The following LRRC4C variants were observed in gnomAD, a reference collection of about 807,000 sequenced individuals.
The protein encoded by LRRC4C is leucine-rich repeat-containing protein 4C.
In LRRC4C, 5 loss-of-function variants were observed where a neutral mutation model predicts 33.6. The ratio of observed to expected loss-of-function variants is 0.15; its 90% CI spans 0.08 to 0.31. The LOEUF (loss-of-function observed/expected upper bound fraction) is 0.31, where lower values mean the gene tolerates loss of function less well. LRRC4C is among the 10% of genes least tolerant of loss of function. LRRC4C has a pLI of 1.00. For missense variants in LRRC4C, 560 were observed against 796.7 expected (o/e 0.70, Z 3.58); for synonymous variants, 329 against 302.0 (o/e 1.09, Z -0.93).
intron 3 of LRRC4C, among the ~76,000 whole-genome samples, chr11:40,392,786 A>G (rs1949387282): frequency 6.6e-6 from 1 of 152,192 alleles, no homozygotes; most frequent in African/African-American, 2.4e-5. Context: ...CCTACTATGT[A>G]TCATGTTCTA....
At chr11:40,710,042 G>A (rs781365617) in intron 2 of LRRC4C, among the ~76,000 whole-genome samples, 2 of 152,046 alleles carry the variant, frequency 1.3e-5, no homozygotes, top group African/African-American at 4.8e-5. Context: ...GCTCCATCAG[G>A]TCATTTAAGG....
At chr11:41,432,608 A>C (rs1037004459) in intron 1 of LRRC4C, among the ~76,000 whole-genome samples, 6 of 152,160 alleles carry the variant, frequency 3.9e-5, no homozygotes, top group Non-Finnish European at 7.3e-5. Flanking sequence ...TAGAAAAATA[A>C]AGAAAAATTA....
At chr11:40,746,918 T>A (rs931299186) in intron 2 of LRRC4C, among the ~76,000 whole-genome samples, 3 of 152,190 alleles carry the variant, frequency 2.0e-5, no homozygotes, top group African/African-American at 7.2e-5. Context: ...CAGAGGGTCA[T>A]CCTGCCACTG....
At chr11:40,628,699 A>C (rs2135999681) in intron 3 of LRRC4C, among the ~76,000 whole-genome samples, 1 of 152,308 alleles carries the variant, frequency 6.6e-6, no homozygotes, top group African/African-American at 2.4e-5. Context: ...AGAAAACAGT[A>C]GGAAATGGAC....
intron 5 of LRRC4C, among the ~76,000 whole-genome samples, chr11:40,190,459 A>G (rs1466246588): frequency 6.6e-6 from 1 of 152,220 alleles, no homozygotes; most frequent in African/African-American, 2.4e-5. Context: ...TTATGTCCTC[A>G]TGCCATCACC....
intron 1 of LRRC4C, among the ~76,000 whole-genome samples, chr11:41,097,195 C>T (rs1202014678): frequency 6.6e-6 from 1 of 152,136 alleles, no homozygotes; most frequent in South Asian, 2.1e-4. Context: ...TGTGGCGTTT[C>T]TAACCCTACT....
chr11:41,237,484 CT>C (rs1437090403), intron 1 of LRRC4C, among the ~76,000 whole-genome samples: 1 of 152,174 alleles, frequency 6.6e-6, no homozygotes, highest in Non-Finnish European at 1.5e-5. Flanking sequence ...AATAGAAAAG[CT>C]GACAGAGACG....
intron 1 of LRRC4C, among the ~76,000 whole-genome samples, chr11:41,277,060 A>C (rs1249485255): frequency 6.6e-6 from 1 of 152,206 alleles, no homozygotes; most frequent in East Asian, 1.9e-4. Context: ...GAGAGTAGCA[A>C]CCTTATTCAT....
chr11:41,068,140 C>G (rs1938397616), intron 1 of LRRC4C, among the ~76,000 whole-genome samples: 1 of 152,154 alleles, frequency 6.6e-6, no homozygotes, highest in South Asian at 2.1e-4. Flanking sequence ...CGCCTGTAGT[C>G]CCAGCATTTT....
At chr11:40,910,374 C>A (rs1361573789) in intron 2 of LRRC4C, among the ~76,000 whole-genome samples, 1 of 151,932 alleles carries the variant, frequency 6.6e-6, no homozygotes, top group Non-Finnish European at 1.5e-5. Context: ...ATGAAAAAAA[C>A]CCGGAGATGT....
intron 4 of LRRC4C, among the ~76,000 whole-genome samples, chr11:40,281,347 G>A (rs531482130): frequency 1.5e-4 from 23 of 152,248 alleles, no homozygotes; most frequent in African/African-American, 5.5e-4. Context: ...CTCTGCTGAG[G>A]TGAGCCTCTC....
chr11:40,455,683 T>C (rs1485763965), intron 3 of LRRC4C, among the ~76,000 whole-genome samples: 1 of 152,154 alleles, frequency 6.6e-6, no homozygotes, highest in Admixed American at 6.6e-5. Flanking sequence ...TTTGCAGACA[T>C]TGTTGCCTTC....
At chr11:40,471,682 CA>C (rs3041120) in intron 3 of LRRC4C, among the ~76,000 whole-genome samples, 364 of 130,888 alleles carry the variant, frequency 2.8e-3, no homozygotes, top group African/African-American at 4.2e-3. Flanking sequence ...AATGGAAAGC[CA>C]AAAAAAAAAA....
At chr11:40,499,337 G>A (rs12419863) in intron 3 of LRRC4C, among the ~76,000 whole-genome samples, 4,112 of 152,266 alleles carry the variant, frequency 0.027, 80 homozygotes, top group Middle Eastern at 0.065. Flanking sequence ...GTCAGAAAAT[G>A]TATCTGCATA....
At chr11:40,353,369 T>G (rs1403612868) in intron 3 of LRRC4C, among the ~76,000 whole-genome samples, 1 of 152,142 alleles carries the variant, frequency 6.6e-6, no homozygotes, top group Non-Finnish European at 1.5e-5. Flanking sequence ...CTTGAGAAAC[T>G]AATGCATTTT....
intron 5 of LRRC4C, among the ~76,000 whole-genome samples, chr11:40,203,282 A>G (rs769397992): frequency 1.3e-5 from 2 of 152,224 alleles, no homozygotes; most frequent in African/African-American, 2.4e-5. Context: ...TATACAATAA[A>G]GAACCACAAC....
rs567313764 is a variant in LRRC4C, at chr11:40,695,649, G to T, written c.-406-47371C>A. Among the ~76,000 whole-genome samples, 11 of 152,202 alleles carry T rather than the reference G, an allele frequency of 7.2e-5. No individual in the cohort carries two copies. The South Asian group carries it at 2.3e-3, about 32-fold the overall frequency. On this transcript the variant is annotated intron_variant, in intron 2 of 6. Transcript: ENST00000528697. Reference sequence around the variant, plus strand: ...GTTTTCCTGTTTGGCGTCTGTAGGGGAGAATCAATTTCCTTGCCTCTTCTA... The same window carrying T: ...GTTTTCCTGTTTGGCGTCTGTAGGGTAGAATCAATTTCCTTGCCTCTTCTA...
chr11:40,604,264 C>T, intron 3 of LRRC4C, among the ~76,000 whole-genome samples: 1 of 152,224 alleles, frequency 6.6e-6, no homozygotes, highest in Middle Eastern at 3.4e-3. Context: ...GTAATAAATT[C>T]CTCCTATCTT....
intron 1 of LRRC4C, among the ~76,000 whole-genome samples, chr11:41,112,912 G>C (rs118075446): frequency 6.6e-6 from 1 of 152,126 alleles, no homozygotes; most frequent in Non-Finnish European, 1.5e-5. Flanking sequence ...GTGTGTGCAC[G>C]TGTACATTTA....
Sources: allele counts gnomAD v4.1 joint callset (sites outside exome capture counted in the v4.1 genomes callset), GRCh38; gene constraint gnomAD v4.1.1; transcripts MANE v1.5; gene names NCBI Gene and HGNC (gene_info 2026-07-23, HGNC 2026-07-21).